Variants in NXPE2 observed in about 807,000 individuals in gnomAD.
NXPE2 encodes neurexophilin and PC-esterase domain family member 2.
A neutral mutation model predicts 34.4 loss-of-function variants in NXPE2; 34 were observed. That is an observed-to-expected ratio of 0.99 (90% confidence interval 0.75 to 1.31). NXPE2 has a LOEUF of 1.31. NXPE2 is among the 40% of genes most tolerant of loss of function. NXPE2 has a pLI of 0.00. For missense variants in NXPE2, 649 were observed against 672.5 expected, an observed-to-expected ratio of 0.97 and a Z score of 0.39; for synonymous variants, 235 against 231.3, an observed-to-expected ratio of 1.02 and a Z score of -0.15.
At chr11:114,790,371 A>G in the NXPE2 span, among the ~76,000 whole-genome samples, 2 of 152,140 alleles carry the variant, frequency 1.3e-5, no homozygotes, top group Non-Finnish European at 2.9e-5. Context: ...CGCACACTAT[A>G]CTCATAATAA....
chr11:114,743,979 A>G, the NXPE2 span, among the ~76,000 whole-genome samples: 1 of 151,984 alleles, frequency 6.6e-6, no homozygotes, highest in African/African-American at 2.4e-5. Flanking sequence ...TACCAAAGCT[A>G]GGAAAAGGTG....
chr11:114,484,939 A>G, the NXPE2 span, among the ~76,000 whole-genome samples: 3 of 152,218 alleles, frequency 2.0e-5, no homozygotes. Flanking sequence ...AGAGCAAGTC[A>G]ATTTATCACT....
chr11:114,490,937 T>C, the NXPE2 span, among the ~76,000 whole-genome samples: 6 of 144,478 alleles, frequency 4.2e-5, no homozygotes, highest in African/African-American at 1.3e-4. Context: ...CCGAGGCGGG[T>C]GGATCATGAG....
chr11:114,473,270 A>T, the NXPE2 span, among the ~76,000 whole-genome samples: 2 of 152,158 alleles, frequency 1.3e-5, no homozygotes, highest in African/African-American at 4.8e-5. Flanking sequence ...TTCCTTTTTG[A>T]GAATAAGTTC....
At chr11:114,661,088 C>T in the NXPE2 span, among the ~76,000 whole-genome samples, 1 of 151,906 alleles carries the variant, frequency 6.6e-6, no homozygotes, top group South Asian at 2.1e-4. Flanking sequence ...AAACCATAAA[C>T]CATGATGAAA....
chr11:114,785,101 G>A, the NXPE2 span, among the ~76,000 whole-genome samples: 13 of 152,012 alleles, frequency 8.6e-5, no homozygotes, highest in Non-Finnish European at 1.0e-4. Context: ...AGGCCTCTCC[G>A]TAGCTGACAC....
chr11:114,575,908 A>G, the NXPE2 span, among the ~76,000 whole-genome samples: 1 of 152,218 alleles, frequency 6.6e-6, no homozygotes, highest in African/African-American at 2.4e-5. Flanking sequence ...GACTAAGCAA[A>G]AAGAACAAAT....
chr11:114,703,091 A>T (rs1489324587), intron 3 of NXPE2, among the ~76,000 whole-genome samples: 1 of 152,192 alleles, frequency 6.6e-6, no homozygotes, highest in African/African-American at 2.4e-5. Flanking sequence ...ACTGAATAAT[A>T]TTGACTTGAT....
At chr11:114,540,706 G>T in the NXPE2 span, among the ~76,000 whole-genome samples, 7 of 152,036 alleles carry the variant, frequency 4.6e-5, no homozygotes, top group Non-Finnish European at 1.0e-4. Flanking sequence ...GTGAACAAAA[G>T]CAGGCAAGTT....
At chr11:114,789,918 C>T in the NXPE2 span, among the ~76,000 whole-genome samples, 1 of 152,238 alleles carries the variant, frequency 6.6e-6, no homozygotes, top group Admixed American at 6.5e-5. Flanking sequence ...CCGGAGCCAC[C>T]TGGCAGGCAT....
intron 2 of NXPE2, among the ~76,000 whole-genome samples, chr11:114,697,676 G>A (rs1951284403): frequency 1.3e-5 from 2 of 152,154 alleles, no homozygotes; most frequent in Non-Finnish European, 2.9e-5. Context: ...GTACCACATT[G>A]TGCTCTGTTG....
chr11:114,584,259 A>G, the NXPE2 span: 1 of 483,588 alleles, frequency 2.1e-6, no homozygotes, highest in African/African-American at 2.0e-5. Context: ...ATTACTTTGA[A>G]TACTTTGGAC....
At chr11:114,494,740 G>C in the NXPE2 span, among the ~76,000 whole-genome samples, 1 of 152,160 alleles carries the variant, frequency 6.6e-6, no homozygotes, top group African/African-American at 2.4e-5. Flanking sequence ...ATGTTTTCCT[G>C]AATGTTCTTG....
the NXPE2 span, among the ~76,000 whole-genome samples, chr11:114,773,189 C>T: frequency 2.6e-5 from 4 of 151,822 alleles, no homozygotes; most frequent in African/African-American, 9.7e-5. Context: ...ACAACTTCCT[C>T]TGTTCTCATC....
chr11:114,495,195 G>T, the NXPE2 span, among the ~76,000 whole-genome samples: 1 of 152,110 alleles, frequency 6.6e-6, no homozygotes, highest in East Asian at 1.9e-4. Context: ...CTCACCCAAG[G>T]CCTGCAGTGA....
At chr11:114,638,084 G>A in the NXPE2 span, among the ~76,000 whole-genome samples, 176 of 151,360 alleles carry the variant, frequency 1.2e-3, 2 homozygotes, top group Middle Eastern at 3.4e-3. Context: ...CATTCACCCC[G>A]TCACTTTCAG....
chr11:114,607,169 C>A, the NXPE2 span, among the ~76,000 whole-genome samples: 4 of 148,072 alleles, frequency 2.7e-5, no homozygotes, highest in African/African-American at 1.0e-4. Flanking sequence ...ACTGGATAAT[C>A]AGTGTTGCAT....
chr11:114,631,048 A>C, the NXPE2 span, among the ~76,000 whole-genome samples: 1 of 151,702 alleles, frequency 6.6e-6, no homozygotes, highest in Non-Finnish European at 1.5e-5. Context: ...GGATGTGGAG[A>C]AATAGGAACA....
chr11:114,703,861 A>G (rs988745317), intron 3 of NXPE2, 130 bp from the exon 4 acceptor site: 19 of 670,642 alleles, frequency 2.8e-5, no homozygotes, highest in African/African-American at 2.7e-4. Context: ...CTTCCCCAGG[A>G]TATCTTAAAT....
Sources: gnomAD v4.1 joint callset for allele counts (sites outside exome capture counted in the v4.1 genomes callset) on GRCh38, gnomAD v4.1.1 for gene constraint, MANE v1.5 for transcripts, NCBI Gene and HGNC (gene_info 2026-07-23, HGNC 2026-07-21) for gene names.